Variants in CWC22 observed in about 807,000 individuals in gnomAD.
The protein encoded by CWC22 is pre-mRNA-splicing factor CWC22 homolog.
Under a neutral mutation model 117.2 loss-of-function variants are expected in CWC22, and 53 were observed. The observed-to-expected ratio is 0.45, with a 90% CI of 0.36 to 0.57. The LOEUF (loss-of-function observed/expected upper bound fraction) is 0.57, where lower values mean the gene tolerates loss of function less well. Ranked by LOEUF, CWC22 falls within the 20% of genes least tolerant of loss-of-function variation. The pLI, the probability that CWC22 is intolerant of heterozygous loss-of-function variation, is 0.00. For synonymous variants in CWC22, 360 were observed against 355.6 expected, an observed-to-expected ratio of 1.01 and a Z score of -0.14; for missense variants, 980 against 1,068.8, an observed-to-expected ratio of 0.92 and a Z score of 1.16.
intron 13 of CWC22, 81 bp downstream of exon 13, chr2:179,964,466 G>C (rs117839859): frequency 7.2e-6 from 5 of 690,016 alleles, no homozygotes; most frequent in African/African-American, 7.2e-5. Context: ...TCTGTTATGA[G>C]ACCCTAAAAT....
At chr2:179,948,455 G>T (rs1225546903) in intron 19 of CWC22, among the ~76,000 whole-genome samples, 2 of 152,086 alleles carry the variant, frequency 1.3e-5, no homozygotes, top group Admixed American at 6.5e-5. Context: ...GGAGGAAAAA[G>T]AGATTTGCAT....
At chr2:179,963,619 G>A (rs944435060) in intron 13 of CWC22, among the ~76,000 whole-genome samples, 2 of 152,038 alleles carry the variant, frequency 1.3e-5, no homozygotes, top group South Asian at 2.1e-4. Flanking sequence ...TGGGATTACA[G>A]GCGTGAGCCA....
intron 8 of CWC22, among the ~76,000 whole-genome samples, chr2:179,971,538 G>A (rs529600843): frequency 6.6e-6 from 1 of 152,008 alleles, no homozygotes; most frequent in East Asian, 1.9e-4. Flanking sequence ...AACTCTATTA[G>A]ACACAAATAG....
At chr2:179,996,132 A>G (rs1341095230) in intron 1 of CWC22, among the ~76,000 whole-genome samples, 1 of 152,230 alleles carries the variant, frequency 6.6e-6, no homozygotes, top group African/African-American at 2.4e-5. Context: ...AGAGGAATGT[A>G]AGGAAACCAA....
intron 1 of CWC22, among the ~76,000 whole-genome samples, chr2:179,994,183 CA>C (rs1687641601): frequency 1.3e-5 from 2 of 151,922 alleles, no homozygotes; most frequent in African/African-American, 4.8e-5. Context: ...ATTGGAAGTA[CA>C]TATCTAAATG....
intron 17 of CWC22, 60 bp downstream of exon 17, chr2:179,952,411 G>C: frequency 7.5e-7 from 1 of 1,331,206 alleles, no homozygotes; most frequent in Admixed American, 2.7e-5. Context: ...GCTTATGTCT[G>C]CTACAATGGG....
chr2:179,971,089 A>T lies in CWC22; in HGVS notation c.805-13T>A. 1 of 1,511,484 alleles carries T rather than the reference A, an allele frequency of 6.6e-7. No individual in the cohort carries two copies. Among genetic ancestry groups the T allele is most frequent in the Non-Finnish European group, 8.9e-7 (1 of 1,126,802 alleles). 93.6% of individuals were successfully genotyped at this position (1,511,484 alleles called of 1,614,324 possible). ...ATACTTCGTGTGCCTTAAATAAAAT[A>T]CATATACAAGGAAGAAACAAAATGC... On this transcript the variant is annotated splice_polypyrimidine_tract_variant and intron_variant, in intron 8 of 19. Transcript: ENST00000410053.
In CWC22 at chr2:180,004,361, T is replaced by G. The variant is rs182470005; in HGVS notation, c.-114+2506A>C. 2.1e-3 allele frequency among the ~76,000 whole-genome samples: 318 copies of G among 152,308 alleles called. 1 individual carries two copies. Among genetic ancestry groups the G allele is most frequent in the African/African-American group, 7.4e-3 (309 of 41,560 alleles). On this transcript the variant is annotated intron_variant, in intron 1 of 19. Transcript: ENST00000410053. ...AGGTCATTCAACAATGTGCAATCAC[T>G]GGGAAGGAGAGTTAACTTCTTTTTT...
chr2:179,964,582 T>C lies in CWC22; in HGVS notation c.1362A>G (p.Ser454=), dbSNP rs1203612186. The part of the protein sequence containing the change: ...IHDKTEINLV[S]FRRTIYLAIQ... ...TAGCAAGATAAATTGTACGACGAAA[T>C]GAGACCAGGTTAATTTCTGTTTTGT... Residue 454 remains serine, a synonymous_variant, in exon 13 of 20, where the codon TCA becomes TCG. Coordinates refer to ENST00000410053, the MANE Select transcript of CWC22 (RefSeq NM_020943.3). The C allele has an allele frequency of 8.9e-6, 14 of 1,568,352 alleles. No individual in the cohort carries two copies. Among genetic ancestry groups the C allele is most frequent in the Non-Finnish European group, 1.2e-5 (14 of 1,152,690 alleles).
rs774081423 is a variant in CWC22 at position 179,954,260 on chromosome 2, C to T, written c.1634G>A (p.Arg545Gln). The T allele has an allele frequency of 1.1e-5, 18 of 1,611,784 alleles. No homozygotes were observed. Among genetic ancestry groups the T allele is most frequent in the African/African-American group, 8.0e-5 (6 of 74,806 alleles). The part of the protein sequence containing the change: ...TIHRLETNKL[R>Q]NVAKMFAHLL... ...GTGAGCAAACATCTTAGCAACATTT[C>T]GCAACTTGTTTGTTTCCAAGCGATG... Residue 545 changes from arginine (R) to glutamine (Q), a missense_variant, in exon 16 of 20, where the codon CGA becomes CAA. Transcript: ENST00000410053.
At chr2:179,986,594 T>A in intron 4 of CWC22, 101 bp downstream of exon 4, 1 of 620,782 alleles carries the variant, frequency 1.6e-6, no homozygotes, top group South Asian at 2.3e-5. Context: ...AAACATCCAA[T>A]TAATGTTAGC....
At chr2:179,963,509 A>AT (rs1213323194) in intron 13 of CWC22, among the ~76,000 whole-genome samples, 2 of 150,334 alleles carry the variant, frequency 1.3e-5, no homozygotes, top group African/African-American at 2.4e-5. Flanking sequence ...CGCCCGGCTA[A>AT]TTTTTTGTAT....
chr2:179,958,639 C>A (rs1686666270), intron 14 of CWC22, among the ~76,000 whole-genome samples: 1 of 151,692 alleles, frequency 6.6e-6, no homozygotes, highest in Admixed American at 6.6e-5. Flanking sequence ...CCAATGTAGC[C>A]CAGAGAAACC....
chr2:179,951,264 A>G (rs1686441741), intron 17 of CWC22, among the ~76,000 whole-genome samples: 1 of 152,052 alleles, frequency 6.6e-6, no homozygotes, highest in Admixed American at 6.6e-5. Context: ...ATATATAGTG[A>G]ATATATGTAC....
chr2:180,002,970 G>A (rs1687880801), intron 1 of CWC22, among the ~76,000 whole-genome samples: 1 of 152,140 alleles, frequency 6.6e-6, no homozygotes, highest in Non-Finnish European at 1.5e-5. Flanking sequence ...CAGAACCTAG[G>A]ACAGTGTCTG....
intron 8 of CWC22, 103 bp from the exon 9 acceptor site, chr2:179,971,179 A>G: frequency 2.5e-6 from 2 of 811,996 alleles, no homozygotes; most frequent in Non-Finnish European, 3.6e-6. Flanking sequence ...CAATAATTAT[A>G]TTGCACATAT....
intron 4 of CWC22, among the ~76,000 whole-genome samples, chr2:179,986,490 G>C (rs1039456904): frequency 6.6e-6 from 1 of 152,112 alleles, no homozygotes; most frequent in African/African-American, 2.4e-5. Context: ...AGTTTCTTCA[G>C]CTGTAAAGCA....
intron 1 of CWC22, 31 bp downstream of exon 1, chr2:180,006,836 G>A (rs900810561): frequency 6.6e-6 from 1 of 152,534 alleles, no homozygotes; most frequent in African/African-American, 2.4e-5. Flanking sequence ...CGCTCAGGCA[G>A]TCAGTTCATG....
intron 6 of CWC22, 36 bp downstream of exon 6, chr2:179,978,154 C>G: frequency 6.9e-7 from 1 of 1,451,082 alleles, no homozygotes; most frequent in South Asian, 1.6e-5. Flanking sequence ...TGAAAAAATA[C>G]TTAGAAATAC....
Sources: allele counts gnomAD v4.1 joint callset (sites outside exome capture counted in the v4.1 genomes callset), GRCh38; gene constraint gnomAD v4.1.1; transcripts MANE v1.5; gene names NCBI Gene and HGNC (gene_info 2026-07-23, HGNC 2026-07-21).